SH3RF2: variants seen among roughly 807,000 people sequenced by gnomAD.
The protein encoded by SH3RF2 is E3 ubiquitin-protein ligase SH3RF2.
A neutral mutation model predicts 59.0 loss-of-function variants in SH3RF2; 43 were observed. The observed-to-expected ratio is 0.73, with a 90% CI of 0.57 to 0.94. The LOEUF is 0.94. SH3RF2 is among the 40% of genes least tolerant of loss of function. The probability of loss-of-function intolerance (pLI) is 0.00; values close to 1 mark genes in which losing one functional copy is unlikely to be tolerated. For synonymous variants in SH3RF2, 391 were observed against 391.5 expected (o/e 1.00, Z 0.01); for missense variants, 930 against 940.1 (o/e 0.99, Z 0.14).
intron 2 of SH3RF2, among the ~76,000 whole-genome samples, chr5:145,973,376 G>A (rs141463956): frequency 6.4e-4 from 98 of 152,194 alleles, no homozygotes; most frequent in Non-Finnish European, 1.2e-3. Flanking sequence ...CATTTTCAAC[G>A]GTATCTTCCA....
chr5:146,059,890 A>G lies in SH3RF2; in HGVS notation c.1580A>G (p.Gln527Arg). Residue 527 changes from glutamine (Q) to arginine (R), a missense_variant, in exon 9 of 10, where the codon CAG (glutamine) becomes CGG (arginine). Coordinates refer to ENST00000359120, the MANE Select transcript of SH3RF2 (RefSeq NM_152550.4). ...RKNGSLQRPLQSGIPTLVVGS... is the reference protein window; with the variant it reads ...RKNGSLQRPLRSGIPTLVVGS... ...GATGGATCCCTGCAGAGACCCCTCC[A>G]GTCCGGGATCCCCACTCTCGTGGTA... 6.7e-7 allele frequency: 1 copy of G among 1,496,268 alleles called. No individual in the cohort carries two copies. Among genetic ancestry groups the G allele is most frequent in the Non-Finnish European group, 8.9e-7 (1 of 1,122,988 alleles). 92.7% of individuals were successfully genotyped at this position (1,496,268 alleles called of 1,614,324 possible). A position where few individuals can be genotyped will look rare whatever the true frequency, so the allele number is the denominator to read the frequency against.
chr5:146,057,481 TA>T (rs1762711878), intron 8 of SH3RF2, among the ~76,000 whole-genome samples: 6 of 152,232 alleles, frequency 3.9e-5, no homozygotes, highest in Admixed American at 3.9e-4. Flanking sequence ...TCATCAGGGT[TA>T]ACTTAATAAA....
At chr5:146,050,353 G>A (rs962597532) in intron 7 of SH3RF2, among the ~76,000 whole-genome samples, 1 of 152,102 alleles carries the variant, frequency 6.6e-6, no homozygotes, top group African/African-American at 2.4e-5. Context: ...GCTTTTTCTA[G>A]CCCATAGATT....
Position 145,968,183 on chromosome 5 carries a change from T to C in SH3RF2, c.378+29877T>C, listed in dbSNP as rs539509156. ...TATCAAAATGTACAATGTATGCACT[T>C]ATTGATTTAATAATGTCACTGTGAA... On this transcript the variant is annotated intron_variant, in intron 2 of 9. Transcript: ENST00000359120. 7.9e-5 allele frequency among the ~76,000 whole-genome samples: 12 copies of C among 152,364 alleles called. No homozygotes were observed. In the South Asian group the frequency reaches 2.5e-3, roughly 32 times the overall value.
downstream of SH3RF2, among the ~76,000 whole-genome samples, chr5:146,068,026 C>G (rs1301744565): frequency 6.6e-6 from 1 of 152,208 alleles, no homozygotes; most frequent in Admixed American, 6.5e-5. Flanking sequence ...CATCCCAGCC[C>G]GCTCCTGACC....
chr5:146,029,595 G>A (rs1761670139), intron 5 of SH3RF2, among the ~76,000 whole-genome samples: 1 of 152,146 alleles, frequency 6.6e-6, no homozygotes, highest in Non-Finnish European at 1.5e-5. Context: ...CAGCAAACAA[G>A]CTTCTGTGCT....
At chr5:145,944,712 TA>T (rs983761847) in intron 2 of SH3RF2, among the ~76,000 whole-genome samples, 5 of 152,194 alleles carry the variant, frequency 3.3e-5, no homozygotes, top group African/African-American at 7.2e-5. Context: ...AGTGAGAGCT[TA>T]ATAAGAAACA....
chr5:145,990,046 A>G (rs984774360), intron 2 of SH3RF2, among the ~76,000 whole-genome samples: 1 of 152,240 alleles, frequency 6.6e-6, no homozygotes, highest in East Asian at 1.9e-4. Context: ...AAGTGTCAAA[A>G]AATAACTCCA....
At chr5:146,056,865 A>C (rs1191754427) in intron 8 of SH3RF2, among the ~76,000 whole-genome samples, 1 of 152,190 alleles carries the variant, frequency 6.6e-6, no homozygotes, top group Non-Finnish European at 1.5e-5. Flanking sequence ...TACCATCATA[A>C]CATCCACATT....
At chr5:145,942,284 C>A (rs1262366607) in intron 2 of SH3RF2, among the ~76,000 whole-genome samples, 11 of 152,214 alleles carry the variant, frequency 7.2e-5, no homozygotes, top group Admixed American at 7.2e-4. Context: ...TATTCCCCAA[C>A]ACAAATATTG....
At chr5:145,993,203 G>C (rs1008322258) in intron 2 of SH3RF2, among the ~76,000 whole-genome samples, 1 of 152,322 alleles carries the variant, frequency 6.6e-6, no homozygotes, top group African/African-American at 2.4e-5. Context: ...GCTAATGCAA[G>C]AGGTAGGTTC....
In SH3RF2 at chr5:146,060,167, A is replaced by T; in HGVS notation, c.1857A>T (p.Ala619=). The T allele has an allele frequency of 6.2e-7, 1 of 1,614,042 alleles. No individual in the cohort carries two copies. Among genetic ancestry groups the T allele is most frequent in the African/African-American group, 1.3e-5 (1 of 75,056 alleles). The stretch of plus-strand genomic sequence containing the variant: ...GTGAGCCTCTGCCAAAACCGCCCGC[A>T]TCTGCCCCACCATCCATCCTGGTGA... ...IKSEPLPKPP[A]SAPPSILVKP... Residue 619 remains alanine (A), a synonymous_variant, in exon 9 of 10, where the codon GCA becomes GCT. Coordinates refer to ENST00000359120, the MANE Select transcript of SH3RF2 (RefSeq NM_152550.4).
intron 2 of SH3RF2, among the ~76,000 whole-genome samples, chr5:145,948,976 A>G (rs1758094669): frequency 6.6e-6 from 1 of 152,232 alleles, no homozygotes; most frequent in South Asian, 2.1e-4. Flanking sequence ...TGAATGCATA[A>G]TGTTTGCCAT....
At chr5:145,981,475 C>T (rs1272712921) in intron 2 of SH3RF2, among the ~76,000 whole-genome samples, 1 of 152,174 alleles carries the variant, frequency 6.6e-6, no homozygotes, top group East Asian at 1.9e-4. Context: ...TGATAAACTT[C>T]CTAAATCTCT....
At chr5:146,021,786 A>C (rs1462138998) in intron 5 of SH3RF2, among the ~76,000 whole-genome samples, 1 of 152,156 alleles carries the variant, frequency 6.6e-6, no homozygotes, top group Non-Finnish European at 1.5e-5. Context: ...GTACAGGAGA[A>C]ACCATGGCAG....
intron 5 of SH3RF2, among the ~76,000 whole-genome samples, chr5:146,030,741 G>A (rs1662995480): frequency 7.0e-6 from 1 of 142,394 alleles, no homozygotes; most frequent in African/African-American, 2.6e-5. Context: ...TTACAGATGT[G>A]ATTTTGAATT....
chr5:146,059,894 C>G lies in SH3RF2; in HGVS notation c.1584C>G (p.Ser528=), dbSNP rs780739971. 1.3e-6 allele frequency: 2 copies of G among 1,496,878 alleles called. No homozygotes were observed. Among genetic ancestry groups the G allele is most frequent in the East Asian group, 4.8e-5 (2 of 42,088 alleles). The allele number at this position is 1,496,878 out of a possible 1,614,324, so 92.7% of individuals were successfully genotyped here. A position where few individuals can be genotyped will look rare whatever the true frequency, so the allele number is the denominator to read the frequency against. ...KNGSLQRPLQ[S]GIPTLVVGSL... is the part of the protein sequence containing the mutation. ...GATCCCTGCAGAGACCCCTCCAGTC[C>G]GGGATCCCCACTCTCGTGGTAGGCT... is the stretch of plus-strand genomic sequence containing the variant. Residue 528 remains serine (S), a synonymous_variant, in exon 9 of 10, where the codon TCC becomes TCG. Coordinates refer to ENST00000359120, the MANE Select transcript of SH3RF2 (RefSeq NM_152550.4).
intron 2 of SH3RF2, among the ~76,000 whole-genome samples, chr5:145,942,469 G>GA (rs1194687361): frequency 2.6e-5 from 4 of 151,878 alleles, no homozygotes; most frequent in Admixed American, 6.6e-5. Flanking sequence ...AACTGATGGG[G>GA]AAAAAAAATG....
At chr5:145,962,881 T>C (rs1758683207) in intron 2 of SH3RF2, among the ~76,000 whole-genome samples, 1 of 150,816 alleles carries the variant, frequency 6.6e-6, no homozygotes, top group African/African-American at 2.4e-5. Context: ...ATCACTGTAT[T>C]ATTCCACTTT....
Sources: allele counts gnomAD v4.1 joint callset (sites outside exome capture counted in the v4.1 genomes callset), GRCh38; gene constraint gnomAD v4.1.1; transcripts MANE v1.5; gene names NCBI Gene and HGNC (gene_info 2026-07-23, HGNC 2026-07-21).